The following CENATAC variants were observed in gnomAD, a reference collection of about 807,000 sequenced individuals.
The protein encoded by CENATAC is centrosomal AT-AC splicing factor.
In CENATAC, 53 loss-of-function variants were observed where a neutral mutation model predicts 53.7. The ratio of observed to expected loss-of-function variants is 0.99; its 90% confidence interval spans 0.79 to 1.24. The LOEUF is 1.24. Ranked by LOEUF, CENATAC falls within the 50% of genes most tolerant of loss-of-function variation. CENATAC has a pLI of 0.00. For missense variants in CENATAC, 474 were observed against 417.8 expected (o/e 1.13, Z -1.17); for synonymous variants, 156 against 144.6 (o/e 1.08, Z -0.57).
rs1943139422 is a variant in CENATAC at position 119,015,744 on chromosome 11, T to G, written c.*146T>G. ...TAATAAAGTTTTATTTTTCCAAATGTACAGCTGGTTGGACCTGTAAAAAAA... is the reference window on the plus strand; with the variant it reads ...TAATAAAGTTTTATTTTTCCAAATGGACAGCTGGTTGGACCTGTAAAAAAA... On this transcript the variant is annotated 3_prime_UTR_variant, in exon 11 of 11. Coordinates refer to ENST00000334418, the MANE Select transcript of CENATAC (RefSeq NM_198489.3). 6 of 1,256,754 alleles carry G rather than the reference T, an allele frequency of 4.8e-6. No homozygotes were observed. Among genetic ancestry groups the G allele is most frequent in the Non-Finnish European group, 6.9e-6 (6 of 872,730 alleles). The allele number at this position is 1,256,754 out of a possible 1,614,324, so 77.9% of individuals were successfully genotyped here. A position where few individuals can be genotyped will look rare whatever the true frequency, so the allele number is the denominator to read the frequency against.
At chr11:119,001,648 T>C (rs1367081716) in intron 3 of CENATAC, 2 of 456,096 alleles carry the variant, frequency 4.4e-6, no homozygotes, top group Non-Finnish European at 8.8e-6. Context: ...TTCAAATTGT[T>C]GCAAATCTCC....
chr11:119,002,675 C>T (rs10892320), intron 3 of CENATAC, among the ~76,000 whole-genome samples: 48,028 of 112,540 alleles, frequency 0.43, 8,499 homozygotes, highest in African/African-American at 0.57. Context: ...TAAAAATAAG[C>T]TGTTGGTTTT....
At chr11:119,001,026 T>C (rs1942270460) in intron 3 of CENATAC, among the ~76,000 whole-genome samples, 1 of 152,204 alleles carries the variant, frequency 6.6e-6, no homozygotes, top group Non-Finnish European at 1.5e-5. Flanking sequence ...GTCATGACTT[T>C]TCTCTGCTTC....
intron 3 of CENATAC, chr11:119,010,549 T>A: frequency 1.9e-6 from 1 of 536,544 alleles, no homozygotes; most frequent in Admixed American, 3.3e-5. Flanking sequence ...ACCTATTTTG[T>A]TTTGGCAAAA....
intron 7 of CENATAC, 33 bp from the exon 8 acceptor site, chr11:119,013,197 TTA>T (rs1397918516): frequency 6.4e-7 from 1 of 1,569,390 alleles, no homozygotes; most frequent in Non-Finnish European, 8.7e-7. Context: ...TGCCTAGACT[TTA>T]ACTAGCACTT....
intron 3 of CENATAC, chr11:119,010,432 T>A: frequency 3.5e-6 from 1 of 286,462 alleles, no homozygotes; most frequent in East Asian, 6.4e-5. Flanking sequence ...AGCCAAATAT[T>A]TGAACACTAA....
At chr11:119,002,239 A>G (rs1592051469) in intron 3 of CENATAC, among the ~76,000 whole-genome samples, 2 of 151,568 alleles carry the variant, frequency 1.3e-5, no homozygotes. Flanking sequence ...AAAAAAAAAA[A>G]AAAAAAAAAG....
chr11:118,999,224 T>C, intron 3 of CENATAC, 115 bp downstream of exon 3: 2 of 734,404 alleles, frequency 2.7e-6, no homozygotes, highest in Non-Finnish European at 4.7e-6. Flanking sequence ...AAGAATCTGC[T>C]GTCTTCATAG....
intron 8 of CENATAC, 135 bp from the exon 9 acceptor site, chr11:119,014,859 A>C: frequency 1.7e-6 from 1 of 592,920 alleles, no homozygotes; most frequent in Non-Finnish European, 2.9e-6. Context: ...GGCCTTCTAA[A>C]GCTCCAGAAT....
chr11:119,010,751 C>T lies in CENATAC; in HGVS notation c.384-13C>T. 6.2e-7 allele frequency: 1 copy of T among 1,613,714 alleles called. No homozygotes were observed. Among genetic ancestry groups the T allele is most frequent in the Non-Finnish European group, 8.5e-7 (1 of 1,179,798 alleles). ...GAATGGGTTCTGGGTGGTTTTGCCC[C>T]TTTTCTTTTTAGATTCAAGAAATCC... On this transcript the variant is annotated splice_polypyrimidine_tract_variant and intron_variant, in intron 3 of 10. Coordinates refer to ENST00000334418, the MANE Select transcript of CENATAC (RefSeq NM_198489.3).
chr11:119,002,521 A>AT (rs1942357882), intron 3 of CENATAC, among the ~76,000 whole-genome samples: 1 of 151,830 alleles, frequency 6.6e-6, no homozygotes, highest in Non-Finnish European at 1.5e-5. Context: ...GTATTTTAGT[A>AT]AAGATGGGGT....
In CENATAC at chr11:119,003,142, G is replaced by C. The variant is rs992756698; in HGVS notation, c.383+4033G>C. 7 of 378,290 alleles carry C rather than the reference G, an allele frequency of 1.9e-5. No individual in the cohort carries two copies. In the African/African-American group the frequency reaches 6.5e-4, roughly 35 times the overall value. 23.4% of individuals were successfully genotyped at this position (378,290 alleles called of 1,614,324 possible). ...CACATCAGTGTCATAGAGCTTCTCT[G>C]GTGCTGTGGCTTAACATTCACAGTG... On this transcript the variant is annotated intron_variant, in intron 3 of 10. Coordinates refer to ENST00000334418, the MANE Select transcript of CENATAC (RefSeq NM_198489.3).
Position 119,015,694 on chromosome 11 carries a change from A to C in CENATAC, c.*96A>C, listed in dbSNP as rs1294716734. Reference sequence around the variant, plus strand: ...TTCTTTATCATTGTCTTTCTTAGGAAACAGACATACTCATTCATTTGATTT... The same window carrying C: ...TTCTTTATCATTGTCTTTCTTAGGACACAGACATACTCATTCATTTGATTT... On this transcript the variant is annotated 3_prime_UTR_variant, in exon 11 of 11. Transcript: ENST00000334418. The C allele has an allele frequency of 1.0e-5, 14 of 1,365,332 alleles. No homozygotes were observed. The highest frequency in any genetic ancestry group is 1.5e-5 in the Non-Finnish European group (14 of 963,272). The allele number at this position is 1,365,332 out of a possible 1,614,324, so 84.6% of individuals were successfully genotyped here.
intron 7 of CENATAC, 64 bp from the exon 8 acceptor site, chr11:119,013,168 G>T: frequency 1.6e-6 from 2 of 1,262,172 alleles, no homozygotes; most frequent in South Asian, 1.3e-5. Context: ...ATCGTTTCTA[G>T]GATTTTTTTT....
chr11:119,002,978 T>C (rs534046774), intron 3 of CENATAC: 8 of 483,542 alleles, frequency 1.7e-5, no homozygotes, highest in African/African-American at 8.0e-5. Flanking sequence ...TGAAAAGATA[T>C]ACATATATTT....
intron 3 of CENATAC, chr11:119,005,760 C>T (rs886702705): frequency 1.3e-5 from 2 of 151,964 alleles, no homozygotes; most frequent in Non-Finnish European, 2.9e-5. Context: ...TAGTTGTGTT[C>T]CACTGTGTCT....
In CENATAC at chr11:119,012,189, C is replaced by T; in HGVS notation, c.619C>T (p.Leu207=). The change falls in exon 7 of 11, where the codon CTG becomes TTG. Residue 207 remains leucine, a synonymous_variant. Transcript: ENST00000334418. ...CTTACAGCAGCCCTCAAATTTGGAC[C>T]TGCCACCAGCTCCAGAGCTTGACTG... ...SSLQQPSNLD[L]PPAPELDWME... is the part of the protein sequence containing the mutation. 6.2e-7 allele frequency: 1 copy of T among 1,614,170 alleles called. No homozygotes were observed. Among genetic ancestry groups the T allele is most frequent in the South Asian group, 1.1e-5 (1 of 91,086 alleles).
chr11:119,008,775 G>A (rs1007055648), intron 3 of CENATAC, among the ~76,000 whole-genome samples: 2 of 152,178 alleles, frequency 1.3e-5, no homozygotes, highest in Non-Finnish European at 2.9e-5. Context: ...ACAATACCCC[G>A]CTTTCAAGGG....
chr11:119,011,017 A>C (rs1475968770), intron 4 of CENATAC, among the ~76,000 whole-genome samples, 187 bp downstream of exon 4: 1 of 152,150 alleles, frequency 6.6e-6, no homozygotes, highest in Non-Finnish European at 1.5e-5. Flanking sequence ...AGTTCACAAT[A>C]GTGTTTGTGC....
Sources: allele counts gnomAD v4.1 joint callset (sites outside exome capture counted in the v4.1 genomes callset), GRCh38; gene constraint gnomAD v4.1.1; transcripts MANE v1.5; gene names NCBI Gene and HGNC (gene_info 2026-07-23, HGNC 2026-07-21).